Variants in PRG4 observed in about 807,000 individuals in gnomAD.
PRG4 encodes articular superficial zone protein.
In PRG4, 61 loss-of-function variants were observed where a neutral mutation model predicts 91.2. That is an observed-to-expected ratio of 0.67 (90% confidence interval 0.54 to 0.83). The LOEUF is 0.83. Among genes scored for constraint, PRG4 ranks in the 40% least tolerant of loss-of-function variants. The pLI is 0.00. For synonymous variants in PRG4, 576 were observed against 614.2 expected, an observed-to-expected ratio of 0.94 and a Z score of 0.92; for missense variants, 1,564 against 1,714.2, an observed-to-expected ratio of 0.91 and a Z score of 1.55.
At chr1:186,313,290 C>T (rs374971550) in intron 12 of PRG4, 3 of 314,614 alleles carry the variant, frequency 9.5e-6, no homozygotes, top group East Asian at 5.2e-5. Context: ...AATTATATTA[C>T]TCAGGATGCT....
At chr1:186,309,686 T>A in intron 7 of PRG4, 107 bp from the exon 8 acceptor site, 1 of 848,790 alleles carries the variant, frequency 1.2e-6, no homozygotes, top group Non-Finnish European at 2.0e-6. Context: ...CTTCAAGATC[T>A]TAGAAAAGGT....
At chr1:186,313,063 AATGATG>A in intron 12 of PRG4, 169 bp downstream of exon 12, 6 of 696,206 alleles carry the variant, frequency 8.6e-6, no homozygotes, top group Non-Finnish European at 1.4e-5. Context: ...TTTCAATTAA[AATGATG>A]GCACTGCAAT....
chr1:186,298,804 C>G (rs976723342), intron 2 of PRG4, among the ~76,000 whole-genome samples: 5 of 152,122 alleles, frequency 3.3e-5, no homozygotes, highest in Non-Finnish European at 7.4e-5. Context: ...TATAAAAGAG[C>G]AATCTCTTGA....
Position 186,309,799 on chromosome 1 carries a change from C to A in PRG4, c.3428C>A (p.Thr1143Asn). ...TTTTTGTTAATTTGTTTAGATGAGA[C>A]CAATATATGCAATGGTAAGCCAGTA... ...IIINPMLSDETNICNGKPVDG... is the reference protein window; with the variant it reads ...IIINPMLSDENNICNGKPVDG... Residue 1143 changes from threonine to asparagine, a missense_variant, in exon 8 of 13, where the codon ACC becomes AAC. This residue lies in a region of PRG4 where 1,079 missense variants were observed against 1,162.2 expected (regional missense o/e 0.93). Transcript: ENST00000445192. The A allele has an allele frequency of 6.2e-7, 1 of 1,611,578 alleles. No individual in the cohort carries two copies. Among genetic ancestry groups the A allele is most frequent in the Non-Finnish European group, 8.5e-7 (1 of 1,177,898 alleles).
chr1:186,304,031 G>A (rs1656385756), intron 4 of PRG4, 77 bp from the exon 5 acceptor site: 2 of 1,482,486 alleles, frequency 1.3e-6, no homozygotes, highest in Admixed American at 1.7e-5. Context: ...GAAGCTAGAT[G>A]CATCTGTGCT....
chr1:186,304,840 TTCC>T lies in PRG4; in HGVS notation c.519_521del (p.Ser177del), dbSNP rs757058457. ...AAGAGTCCTCCTCCTCCTCCTCCTC[TTCC>T]TCTTCTTCTTCAACAATTCGGAAAA... On this transcript the variant is annotated inframe_deletion, in exon 6 of 13. Transcript: ENST00000445192. 4.3e-6 allele frequency: 7 copies of T among 1,610,828 alleles called. No individual in the cohort carries two copies. The highest frequency in any genetic ancestry group is 2.7e-5 in the African/African-American group (2 of 74,792).
At position 186,307,185 on chromosome 1, in the gene PRG4, A is replaced by G. The variant is rs1239221270; in HGVS notation, c.1466A>G (p.Lys489Arg). ...PKEPAPTAPK[K>R]PAPTTPKEPA... ...GAGCCTGCACCCACTGCCCCCAAGAAGCCTGCCCCAACTACCCCCAAGGAG... is the reference window on the plus strand; with the variant it reads ...GAGCCTGCACCCACTGCCCCCAAGAGGCCTGCCCCAACTACCCCCAAGGAG... Residue 489 changes from lysine (K) to arginine (R), a missense_variant, in exon 7 of 13, where the codon AAG (lysine) becomes AGG (arginine). By Grantham distance (26) the Lys-to-Arg change is conservative. Coordinates refer to ENST00000445192, the MANE Select transcript of PRG4 (RefSeq NM_005807.6). 2.5e-6 allele frequency: 4 copies of G among 1,582,122 alleles called. No individual in the cohort carries two copies. Among genetic ancestry groups the G allele is most frequent in the Non-Finnish European group, 3.4e-6 (4 of 1,168,146 alleles).
chr1:186,309,173 C>T (rs372845077), intron 7 of PRG4, 33 bp downstream of exon 7: 27 of 1,580,668 alleles, frequency 1.7e-5, no homozygotes, highest in Non-Finnish European at 2.0e-5. Flanking sequence ...ATTTTTAAAG[C>T]TGGTAATGTT....
At chr1:186,304,040 C>A in intron 4 of PRG4, 68 bp from the exon 5 acceptor site, 1 of 1,552,438 alleles carries the variant, frequency 6.4e-7, no homozygotes, top group Non-Finnish European at 8.9e-7. Flanking sequence ...TGCATCTGTG[C>A]TTTTCACAGT....
Position 186,312,083 on chromosome 1 carries a change from GT to G in PRG4, c.3794-89del, listed in dbSNP as rs1248248582. Reference sequence around the variant, plus strand: ...TTATATGAAAAATGAGAACAAAACTGTTTCCTATACATTGTAAAAGTTGTTT... The same window carrying G: ...TTATATGAAAAATGAGAACAAAACTGTTCCTATACATTGTAAAAGTTGTTT... On this transcript the variant is annotated intron_variant, in intron 10 of 12. Transcript: ENST00000445192. 6 of 1,042,962 alleles carry G rather than the reference GT, an allele frequency of 5.8e-6. No homozygotes were observed. The African/African-American group carries it at 6.4e-5, about 11-fold the overall frequency. 64.6% of individuals were successfully genotyped at this position (1,042,962 alleles called of 1,614,324 possible).
Position 186,296,874 on chromosome 1 carries a change from C to T in PRG4, c.-2C>T, listed in dbSNP as rs139171967. On this transcript the variant is annotated 5_prime_UTR_variant, in exon 2 of 13. In the 5' UTR this introduces an upstream ATG that the reference lacks. Coordinates refer to ENST00000445192, the MANE Select transcript of PRG4 (RefSeq NM_005807.6). ...GGGTACCTACGGTACCTGAAAACAA[C>T]GATGGCATGGAAAACACTTCCCATT... 1.3e-4 allele frequency: 217 copies of T among 1,613,396 alleles called. No individual in the cohort carries two copies. The highest frequency in any genetic ancestry group is 1.7e-4 in the Non-Finnish European group (200 of 1,179,550).
At chr1:186,311,795 T>C (rs1228032650) in intron 10 of PRG4, 199 bp downstream of exon 10, 2 of 641,232 alleles carry the variant, frequency 3.1e-6, no homozygotes, top group Non-Finnish European at 5.3e-6. Context: ...AAGTCACAAT[T>C]CATTTGAGTT....
intron 6 of PRG4, among the ~76,000 whole-genome samples, chr1:186,305,294 T>G (rs1014476014): frequency 3.0e-4 from 45 of 152,246 alleles, no homozygotes; most frequent in African/African-American, 1.0e-3. Context: ...AACAAACATT[T>G]ATATACTATT....
chr1:186,313,097 T>G (rs1473529681), intron 12 of PRG4: 8 of 575,316 alleles, frequency 1.4e-5, no homozygotes, highest in Non-Finnish European at 2.5e-5. Context: ...TGCTCTAACC[T>G]TCATGAGATT....
intron 8 of PRG4, 73 bp downstream of exon 8, chr1:186,309,943 G>C: frequency 1.5e-6 from 2 of 1,301,658 alleles, no homozygotes; most frequent in Non-Finnish European, 2.2e-6. Context: ...AGCCGTGGAA[G>C]AGTGCTAGTT....
chr1:186,297,069 T>C, intron 2 of PRG4, 118 bp downstream of exon 2: 1 of 858,330 alleles, frequency 1.2e-6, no homozygotes, highest in Non-Finnish European at 1.9e-6. Context: ...TTTAATATAC[T>C]GTACAACCTT....
rs1656659127 is a variant in PRG4, at chr1:186,307,053, C to T, written c.1334C>T (p.Pro445Leu). The part of the protein sequence containing the change: ...PAPTTPKKPA[P>L]TTPKEPAPTT... The stretch of plus-strand genomic sequence containing the variant: ...CCCACCACCCCCAAGAAGCCTGCCC[C>T]AACTACCCCCAAGGAGCCTGCACCC... The change falls in exon 7 of 13, where the codon CCA (proline) becomes CTA (leucine). Residue 445 changes from proline (P) to leucine (L), a missense_variant. This residue lies in a region of PRG4 where 48 missense variants were observed against 93.0 expected (regional missense o/e 0.52). Transcript: ENST00000445192. The T allele has an allele frequency of 6.3e-7, 1 of 1,580,510 alleles. No individual in the cohort carries two copies. The highest frequency in any genetic ancestry group is 1.5e-5 in the African/African-American group (1 of 68,626).
rs765274517 is a variant in PRG4 at position 186,307,364 on chromosome 1, C to A, written c.1645C>A (p.Pro549Thr). The change falls in exon 7 of 13, where the codon CCC (proline) becomes ACC (threonine). Residue 549 changes from proline (P) to threonine (T), a missense_variant. Around this residue, in one of 3 missense-constraint regions of PRG4, gnomAD observed 1,079 missense variants for 1,162.2 expected, o/e 0.93. Coordinates refer to ENST00000445192, the MANE Select transcript of PRG4 (RefSeq NM_005807.6). ...PTTTKSAPTT[P>T]KEPSPTTTKE... ...CACTACCAAGTCTGCACCCACCACT[C>A]CCAAGGAGCCTTCACCCACCACCAC... 1.2e-4 allele frequency: 186 copies of A among 1,586,914 alleles called. No individual in the cohort carries two copies. In the Admixed American group the frequency reaches 3.1e-3, roughly 27 times the overall value.
intron 12 of PRG4, chr1:186,313,313 G>T: frequency 3.2e-6 from 1 of 310,586 alleles, no homozygotes; most frequent in Non-Finnish European, 6.0e-6. Context: ...TCTTTGAAAT[G>T]CCCAGAAATC....
Sources: allele counts gnomAD v4.1 joint callset (sites outside exome capture counted in the v4.1 genomes callset), GRCh38; gene constraint gnomAD v4.1.1; regional missense constraint gnomAD v4.1.1; transcripts MANE v1.5; gene names NCBI Gene and HGNC (gene_info 2026-07-23, HGNC 2026-07-21).